TECRL: variants seen among roughly 807,000 people sequenced by gnomAD.
TECRL encodes the protein trans-2,3-enoyl-CoA reductase-like.
A neutral mutation model predicts 52.8 loss-of-function variants in TECRL; 63 were observed. That is an observed-to-expected ratio of 1.19 (90% CI 0.97 to 1.47). TECRL has a LOEUF of 1.47. Among genes scored for constraint, TECRL ranks in the 40% most tolerant of loss-of-function variants. The probability of loss-of-function intolerance (pLI) is 0.00; values close to 1 mark genes in which losing one functional copy is unlikely to be tolerated. For missense variants in TECRL, 482 were observed against 429.6 expected (o/e 1.12, Z -1.08); for synonymous variants, 164 against 141.9 (o/e 1.16, Z -1.10).
At chr4:64,317,049 C>A (rs1270627430) in intron 4 of TECRL, among the ~76,000 whole-genome samples, 2 of 152,022 alleles carry the variant, frequency 1.3e-5, no homozygotes, top group African/African-American at 4.8e-5. Context: ...GAGGCCGAGG[C>A]GGGCGGATGA....
At chr4:64,337,096 T>C (rs1003055738) in intron 2 of TECRL, among the ~76,000 whole-genome samples, 3 of 152,094 alleles carry the variant, frequency 2.0e-5, no homozygotes, top group African/African-American at 7.2e-5. Flanking sequence ...CTGTCTAATG[T>C]TGACAGTGGG....
At chr4:64,323,477 T>C (rs1416917884) in intron 3 of TECRL, among the ~76,000 whole-genome samples, 1 of 152,156 alleles carries the variant, frequency 6.6e-6, no homozygotes, top group African/African-American at 2.4e-5. Context: ...TAAATGATTT[T>C]ATAAGAGCAT....
intron 1 of TECRL, among the ~76,000 whole-genome samples, chr4:64,393,295 A>T (rs1022235745): frequency 3.3e-5 from 5 of 152,068 alleles, no homozygotes; most frequent in Admixed American, 6.6e-5. Context: ...TTTGCAAAAC[A>T]CATCATGTGA....
chr4:64,355,466 A>G (rs1720697299), intron 2 of TECRL, among the ~76,000 whole-genome samples: 1 of 152,072 alleles, frequency 6.6e-6, no homozygotes, highest in Non-Finnish European at 1.5e-5. Context: ...GACTCAAGAG[A>G]TTATGTAAAA....
intron 1 of TECRL, among the ~76,000 whole-genome samples, chr4:64,399,033 T>TTTG (rs764373061): frequency 6.6e-6 from 1 of 152,098 alleles, no homozygotes; most frequent in Non-Finnish European, 1.5e-5. Context: ...CCTGCCTTAT[T>TTTG]TTGTTGTTGT....
intron 9 of TECRL, among the ~76,000 whole-genome samples, chr4:64,286,595 T>C (rs974268349): frequency 1.3e-5 from 2 of 151,400 alleles, no homozygotes; most frequent in African/African-American, 4.8e-5. Flanking sequence ...GGAAATTGGT[T>C]GGGAATCATC....
intron 1 of TECRL, among the ~76,000 whole-genome samples, chr4:64,375,741 G>A (rs2128749): frequency 0.88 from 133,813 of 151,756 alleles, 60,067 homozygotes; most frequent in East Asian, 1. Context: ...TAAAATGCAT[G>A]TGAGATATAT....
chr4:64,306,056 G>A (rs1371334660), intron 6 of TECRL, among the ~76,000 whole-genome samples: 2 of 152,120 alleles, frequency 1.3e-5, no homozygotes, highest in Non-Finnish European at 2.9e-5. Context: ...CATTTTGGGG[G>A]ATTGCTCAGG....
At chr4:64,403,551 T>C (rs11721697) in intron 1 of TECRL, among the ~76,000 whole-genome samples, 6,254 of 151,820 alleles carry the variant, frequency 0.041, 130 homozygotes, top group Non-Finnish European at 0.048. Context: ...CCTGTTATAT[T>C]CTTCTTATAA....
intron 2 of TECRL, among the ~76,000 whole-genome samples, chr4:64,349,415 G>T (rs1289346924): frequency 1.3e-5 from 2 of 152,090 alleles, no homozygotes; most frequent in East Asian, 3.9e-4. Flanking sequence ...ATAGGTGTGA[G>T]CCACCTCCCC....
At chr4:64,327,780 G>A (rs1264574271) in intron 3 of TECRL, among the ~76,000 whole-genome samples, 2 of 151,600 alleles carry the variant, frequency 1.3e-5, no homozygotes, top group Admixed American at 6.6e-5. Context: ...CCTAAGAGAG[G>A]GCAACCTAAA....
intron 2 of TECRL, among the ~76,000 whole-genome samples, chr4:64,355,506 A>T (rs1172734989): frequency 1.3e-5 from 2 of 152,120 alleles, no homozygotes; most frequent in Non-Finnish European, 2.9e-5. Flanking sequence ...TATTAAGAAT[A>T]AGTTAAAACA....
chr4:64,304,428 A>G (rs576016111), intron 7 of TECRL, among the ~76,000 whole-genome samples: 2 of 152,134 alleles, frequency 1.3e-5, no homozygotes, highest in South Asian at 2.1e-4. Flanking sequence ...AGGAAGTTTA[A>G]GTTATTTTCT....
At chr4:64,405,192 G>C (rs1724623720) in intron 1 of TECRL, among the ~76,000 whole-genome samples, 1 of 152,074 alleles carries the variant, frequency 6.6e-6, no homozygotes, top group Non-Finnish European at 1.5e-5. Flanking sequence ...AAGCCTCCAG[G>C]AAATGTTAAC....
At chr4:64,296,893 T>C (rs1444663965) in intron 8 of TECRL, among the ~76,000 whole-genome samples, 4 of 151,638 alleles carry the variant, frequency 2.6e-5, no homozygotes, top group Non-Finnish European at 4.4e-5. Flanking sequence ...GATGTCTTCA[T>C]AAATTTGCCT....
intron 4 of TECRL, among the ~76,000 whole-genome samples, chr4:64,321,598 A>G (rs1334849434): frequency 2.0e-5 from 3 of 152,152 alleles, no homozygotes; most frequent in African/African-American, 7.2e-5. Flanking sequence ...ACTAAATATC[A>G]TATTAACATT....
intron 2 of TECRL, 103 bp downstream of exon 2, chr4:64,375,069 T>C: frequency 2.2e-6 from 1 of 461,582 alleles, no homozygotes; most frequent in Non-Finnish European, 3.7e-6. Flanking sequence ...TGTAGAACTA[T>C]GGTTTTCATA....
chr4:64,325,540 T>A (rs886505679), intron 3 of TECRL, among the ~76,000 whole-genome samples: 1 of 152,178 alleles, frequency 6.6e-6, no homozygotes, highest in African/African-American at 2.4e-5. Context: ...ATAGTTTTTT[T>A]ATACTGCTAA....
At chr4:64,403,572 A>G (rs892667166) in intron 1 of TECRL, among the ~76,000 whole-genome samples, 1 of 151,970 alleles carries the variant, frequency 6.6e-6, no homozygotes, top group Non-Finnish European at 1.5e-5. Context: ...ACTATCTAGG[A>G]CACACATAAA....
Sources: allele counts gnomAD v4.1 joint callset (sites outside exome capture counted in the v4.1 genomes callset), GRCh38; gene constraint gnomAD v4.1.1; transcripts MANE v1.5; gene names NCBI Gene and HGNC (gene_info 2026-07-23, HGNC 2026-07-21).